Variants in TMEM232 observed in about 807,000 individuals in gnomAD.
TMEM232 encodes the protein transmembrane protein 232.
TMEM232 carries 80 observed loss-of-function variants against 78.8 expected under a neutral mutation model. The ratio of observed to expected loss-of-function variants is 1.01; its 90% CI spans 0.85 to 1.22. TMEM232 has a LOEUF of 1.22. Among genes scored for constraint, TMEM232 ranks in the 50% most tolerant of loss-of-function variants. The pLI, the probability that TMEM232 is intolerant of heterozygous loss-of-function variation, is 0.00. For synonymous variants in TMEM232, 297 were observed against 254.3 expected (o/e 1.17, Z -1.60); for missense variants, 881 against 742.2 (o/e 1.19, Z -2.17).
intron 1 of TMEM232, among the ~76,000 whole-genome samples, chr5:110,668,256 G>A (rs1056194784): frequency 6.6e-6 from 1 of 152,062 alleles, no homozygotes; most frequent in African/African-American, 2.4e-5. Flanking sequence ...TCACTCTTAG[G>A]GCTAAAGAGG....
At chr5:110,397,675 C>T (rs1036445781) in intron 3 of TMEM232, 2 of 151,238 alleles carry the variant, frequency 1.3e-5, no homozygotes, top group East Asian at 2.0e-4. Context: ...TGTGTTAAAC[C>T]ACCCATTTAT....
chr5:110,396,996 ATC>A (rs1294110910), intron 3 of TMEM232, among the ~76,000 whole-genome samples: 1 of 152,168 alleles, frequency 6.6e-6, no homozygotes, highest in Non-Finnish European at 1.5e-5. Flanking sequence ...ACAACTCTTT[ATC>A]TCTGATTCTG....
intron 2 of TMEM232, among the ~76,000 whole-genome samples, chr5:110,643,063 A>T (rs976253962): frequency 6.6e-6 from 1 of 151,950 alleles, no homozygotes; most frequent in Non-Finnish European, 1.5e-5. Context: ...TAAGGAGAAG[A>T]GTTTGGATAA....
intron 10 of TMEM232, among the ~76,000 whole-genome samples, chr5:110,571,121 C>A (rs1193030189): frequency 6.6e-6 from 1 of 152,040 alleles, no homozygotes; most frequent in East Asian, 1.9e-4. Flanking sequence ...CCATGGCTAG[C>A]TAGGTGCCCT....
At chr5:110,647,076 T>A (rs1222680973) in intron 2 of TMEM232, among the ~76,000 whole-genome samples, 3 of 151,852 alleles carry the variant, frequency 2.0e-5, no homozygotes, top group Non-Finnish European at 2.9e-5. Flanking sequence ...ATGCATTTTT[T>A]GCAAATTTGC....
intron 8 of TMEM232, among the ~76,000 whole-genome samples, chr5:110,611,564 G>A (rs894990105): frequency 1.1e-4 from 16 of 152,016 alleles, no homozygotes; most frequent in African/African-American, 3.6e-4. Context: ...TTGGCTGGTG[G>A]TAATTAATCC....
upstream of TMEM232, among the ~76,000 whole-genome samples, chr5:110,729,088 T>C (rs1798429503): frequency 6.6e-6 from 1 of 152,084 alleles, no homozygotes; most frequent in South Asian, 2.1e-4. Context: ...TTTCACCATG[T>C]TGGCCAGGCT....
At chr5:110,494,749 T>TA (rs1190916266) in intron 12 of TMEM232, among the ~76,000 whole-genome samples, 5 of 151,946 alleles carry the variant, frequency 3.3e-5, no homozygotes, top group African/African-American at 7.2e-5. Context: ...ATTCACACAA[T>TA]AAAATATACC....
intron 1 of TMEM232, among the ~76,000 whole-genome samples, chr5:110,737,693 G>T (rs1279150182): frequency 2.0e-5 from 3 of 151,852 alleles, no homozygotes; most frequent in Non-Finnish European, 4.4e-5. Context: ...TCATATTTCT[G>T]ATTTGCCTTT....
intron 1 of TMEM232, among the ~76,000 whole-genome samples, chr5:110,695,415 A>T (rs1018424235): frequency 2.6e-5 from 4 of 152,244 alleles, no homozygotes; most frequent in Non-Finnish European, 5.9e-5. Context: ...GAGCAAACAC[A>T]TTCAAAAGCT....
At chr5:110,514,188 A>C (rs1170912992) in intron 12 of TMEM232, among the ~76,000 whole-genome samples, 1 of 152,154 alleles carries the variant, frequency 6.6e-6, no homozygotes, top group African/African-American at 2.4e-5. Context: ...CATACCCCCG[A>C]AATACATGTC....
At chr5:110,455,364 T>C (rs1270162882) in intron 12 of TMEM232, among the ~76,000 whole-genome samples, 4 of 151,772 alleles carry the variant, frequency 2.6e-5, no homozygotes, top group Non-Finnish European at 2.9e-5. Context: ...ATATTTCTCA[T>C]GAAAGTAGAT....
intron 5 of TMEM232, among the ~76,000 whole-genome samples, chr5:110,631,161 C>T (rs1004495781): frequency 5.3e-5 from 8 of 152,156 alleles, no homozygotes; most frequent in Non-Finnish European, 8.8e-5. Flanking sequence ...AAAGGTGCTA[C>T]GGCGGCCCAG....
chr5:110,546,800 A>G (rs1773829562), intron 11 of TMEM232, among the ~76,000 whole-genome samples: 1 of 152,170 alleles, frequency 6.6e-6, no homozygotes. Flanking sequence ...TTTATACCAC[A>G]GAACTTGTTC....
chr5:110,545,996 G>T (rs1773732883), intron 11 of TMEM232, among the ~76,000 whole-genome samples: 1 of 152,056 alleles, frequency 6.6e-6, no homozygotes, highest in African/African-American at 2.4e-5. Context: ...GTATATGACA[G>T]TTTTTTTATT....
intron 12 of TMEM232, among the ~76,000 whole-genome samples, chr5:110,518,394 C>T (rs748200869): frequency 2.0e-5 from 3 of 152,080 alleles, no homozygotes; most frequent in South Asian, 2.1e-4. Flanking sequence ...GTCTGTCCTT[C>T]GGAATACACA....
chr5:110,436,974 A>G (rs2112724984), intron 12 of TMEM232, among the ~76,000 whole-genome samples: 2 of 151,924 alleles, frequency 1.3e-5, no homozygotes, highest in East Asian at 3.9e-4. Flanking sequence ...ATTTTTTTTC[A>G]TATTTCTGTG....
At chr5:110,703,155 T>G (rs192586645) in intron 1 of TMEM232, among the ~76,000 whole-genome samples, 3 of 152,100 alleles carry the variant, frequency 2.0e-5, no homozygotes, top group Non-Finnish European at 2.9e-5. Flanking sequence ...GGTAGCTATG[T>G]TTAAAAGAAA....
chr5:110,714,666 T>C lies in TMEM232; in HGVS notation c.-13+11961A>G, dbSNP rs532378198. Among the ~76,000 whole-genome samples the C allele has an allele frequency of 2.0e-5, 3 of 152,330 alleles. No individual in the cohort carries two copies. The East Asian group carries it at 5.8e-4, about 29-fold the overall frequency. On this transcript the variant is annotated intron_variant, in intron 1 of 13. Coordinates refer to ENST00000455884, the MANE Select transcript of TMEM232 (RefSeq NM_001039763.4). ...AGAATTATTTTTGACCAGTTTATAT[T>C]TAGCACTACCAAATAGAATTCAAAT...
Sources: allele counts gnomAD v4.1 joint callset (sites outside exome capture counted in the v4.1 genomes callset), GRCh38; gene constraint gnomAD v4.1.1; transcripts MANE v1.5; gene names NCBI Gene and HGNC (gene_info 2026-07-23, HGNC 2026-07-21).